Variants in MYO15B observed in about 807,000 individuals in gnomAD.
MYO15B encodes myosin XVB, also known as myosin XVB pseudogene.
MYO15B carries 207 observed loss-of-function variants against 119.3 expected under a neutral mutation model. That is an observed-to-expected ratio of 1.73 (90% CI 1.55 to 1.95). The LOEUF (loss-of-function observed/expected upper bound fraction) is 1.95. MYO15B is among the 30% of genes most tolerant of loss of function. The pLI is 0.00. For missense variants in MYO15B, 2,264 were observed against 1,203.1 expected (o/e 1.88, Z -13.04); for synonymous variants, 966 against 498.9 (o/e 1.94, Z -12.48).
Position 75,614,380 on chromosome 17 carries a change from C to A in MYO15B, c.5381+20C>A, listed in dbSNP as rs1422183903. 4 of 700,614 alleles carry A rather than the reference C, an allele frequency of 5.7e-6. No individual in the cohort carries two copies. The highest frequency in any genetic ancestry group is 2.0e-5 in the Admixed American group (1 of 49,936). The allele number at this position is 700,614 out of a possible 1,614,324, so 43.4% of individuals were successfully genotyped here. A position where few individuals can be genotyped will look rare whatever the true frequency, so the allele number is the denominator to read the frequency against. On this transcript the variant is annotated intron_variant, in intron 30 of 63. Transcript: ENST00000645453. ...TGGCTCGTAGGTGCCACCCAGCACCCCTCTCCCTGGCCTGCTCCTGCCGGG... is the reference window on the plus strand; with the variant it reads ...TGGCTCGTAGGTGCCACCCAGCACCACTCTCCCTGGCCTGCTCCTGCCGGG...
In MYO15B at chr17:75,616,203, C is replaced by T. The variant is rs182933972; in HGVS notation, c.6109+56C>T. The T allele has an allele frequency of 5.2e-3, 2,976 of 571,392 alleles. 17 individuals are homozygous for T. Among genetic ancestry groups the T allele is most frequent in the Admixed American group, 6.6e-3 (192 of 29,260 alleles). 35.4% of individuals were successfully genotyped at this position (571,392 alleles called of 1,614,324 possible). On this transcript the variant is annotated intron_variant, in intron 37 of 63. Transcript: ENST00000645453. ...AGAAACATGGCCAGTGCCCCTGGCC[C>T]GGGCCAGGGAGGGTGGGGTGTGCTC...
chr17:75,592,241 G>C, exon 7 of MYO15B: 1 of 702,842 alleles, frequency 1.4e-6, no homozygotes, highest in Non-Finnish European at 2.6e-6. Flanking sequence ...CCCACAGAGG[G>C]GTCATCGTGG....
In MYO15B at chr17:75,605,621, GGTGGGT is replaced by G. The variant is rs1045540703; in HGVS notation, c.4134+4_4134+9del. 1 of 703,028 alleles carries G rather than the reference GGTGGGT, an allele frequency of 1.4e-6. No homozygotes were observed. Among genetic ancestry groups the G allele is most frequent in the Admixed American group, 2.0e-5 (1 of 50,020 alleles). The allele number at this position is 703,028 out of a possible 1,614,324, so 43.5% of individuals were successfully genotyped here. On this transcript the variant is annotated splice_donor_variant and splice_donor_5th_base_variant and intron_variant, in intron 20 of 63. Coordinates refer to ENST00000645453, the Ensembl canonical transcript of MYO15B. LOFTEE classifies it high-confidence loss of function. Reference sequence around the variant, plus strand: ...CTCTCTATCACCTTGGAGCCACCAAGGTGGGTGTGTGTATCCCTGTGTGCAGAGGGC... The same window carrying G: ...CTCTCTATCACCTTGGAGCCACCAAGGTGTGTATCCCTGTGTGCAGAGGGC...
chr17:75,588,679 G>A, exon 1 of MYO15B: 1 of 399,922 alleles, frequency 2.5e-6, no homozygotes, highest in East Asian at 3.6e-5. Flanking sequence ...AAGCAGCGAC[G>A]GCCTGGACAG....
At chr17:75,625,643 C>A (rs960350661) in exon 61 of MYO15B, 17 of 702,924 alleles carry the variant, frequency 2.4e-5, no homozygotes, top group Admixed American at 6.0e-5. Context: ...CCCCAGGAAG[C>A]ACAGATCAGC....
At position 75,591,448 on chromosome 17, in the gene MYO15B, G is replaced by C; in HGVS notation, c.2436-153G>C. 3 of 617,990 alleles carry C rather than the reference G, an allele frequency of 4.9e-6. No individual in the cohort carries two copies. In the East Asian group the frequency reaches 8.2e-5, roughly 17 times the overall value. 38.3% of individuals were successfully genotyped at this position (617,990 alleles called of 1,614,324 possible). ...TCTTGGGGACTTTTTCTTTTCTGTC[G>C]GGTCTCTCCATGCCCTGGGACTATC... On this transcript the variant is annotated intron_variant, in intron 4 of 63. Transcript: ENST00000645453.
chr17:75,621,096 G>A (rs1158393568), exon 50 of MYO15B: 1 of 702,882 alleles, frequency 1.4e-6, no homozygotes, highest in East Asian at 2.7e-5. Flanking sequence ...TGTCCTCTGT[G>A]GCCTATGCCT....
At chr17:75,592,066 C>T in exon 6 of MYO15B, 1 of 702,876 alleles carries the variant, frequency 1.4e-6, no homozygotes, top group South Asian at 1.5e-5. Context: ...AGGTCTTCTG[C>T]CTCTACCTAC....
chr17:75,608,970 G>C (rs1352841372), intron 21 of MYO15B, among the ~76,000 whole-genome samples: 1 of 152,150 alleles, frequency 6.6e-6, no homozygotes, highest in Admixed American at 6.5e-5. Flanking sequence ...CTGACCTCGT[G>C]ATCTGCCCGC....
chr17:75,602,628 C>G, intron 16 of MYO15B, 34 bp downstream of exon 16: 1 of 640,208 alleles, frequency 1.6e-6, no homozygotes, highest in Non-Finnish European at 2.8e-6. Context: ...CCCACCCGCT[C>G]CATACTCTGT....
At chr17:75,597,811 G>T (rs1377941777) in intron 14 of MYO15B, among the ~76,000 whole-genome samples, 1 of 152,204 alleles carries the variant, frequency 6.6e-6, no homozygotes, top group Non-Finnish European at 1.5e-5. Flanking sequence ...AGCTACTTGG[G>T]AGGCTGAGGT....
chr17:75,614,624 CACTGCCCCCAG>C lies in MYO15B; in HGVS notation c.5424_5434del (p.Leu1809ThrfsTer189). On this transcript the variant is annotated frameshift_variant, in exon 31 of 64. Coordinates refer to ENST00000645453, the Ensembl canonical transcript of MYO15B. LOFTEE classifies it high-confidence loss of function. ...CTTGCCCCTGGCATTCAGGCCCCCT[CACTGCCCCCAG>C]GACCCCCTCCAGGTCCAGCCCCAAC... is the stretch of plus-strand genomic sequence containing the variant. The C allele has an allele frequency of 1.4e-6, 1 of 701,078 alleles. No individual in the cohort carries two copies. Among genetic ancestry groups the C allele is most frequent in the Non-Finnish European group, 2.6e-6 (1 of 384,472 alleles). The allele number at this position is 701,078 out of a possible 1,614,324, so 43.4% of individuals were successfully genotyped here.
chr17:75,610,067 C>T, intron 21 of MYO15B, 99 bp from the exon 22 acceptor site: 1 of 549,914 alleles, frequency 1.8e-6, no homozygotes. Context: ...GGTCCAAAGT[C>T]AGTTTTTACA....
intron 21 of MYO15B, among the ~76,000 whole-genome samples, chr17:75,607,875 C>T (rs1174151857): frequency 1.3e-5 from 2 of 152,198 alleles, no homozygotes; most frequent in African/African-American, 4.8e-5. Context: ...AATTGCTTTC[C>T]ATAGTGGCTG....
chr17:75,594,354 C>T, intron 9 of MYO15B, 121 bp from the exon 10 acceptor site: 1 of 549,954 alleles, frequency 1.8e-6, no homozygotes, highest in Admixed American at 3.5e-5. Flanking sequence ...CAGATCTCCT[C>T]ATGTGACATA....
rs1440909474 is a variant in MYO15B at position 75,615,335 on chromosome 17, CCAGGT to C, written c.5738_5740+2del. Reference sequence around the variant, plus strand: ...AGCAATGGGCACAGTCCCTGCCATGCCAGGTAAGTCTGGGCTGGGGGCACCAGAGT... The same window carrying C: ...AGCAATGGGCACAGTCCCTGCCATGCAAGTCTGGGCTGGGGGCACCAGAGT... On this transcript the variant is annotated splice_donor_variant and coding_sequence_variant, in exon 34 of 64. Transcript: ENST00000645453. LOFTEE classifies it high-confidence loss of function. 1 of 701,876 alleles carries C rather than the reference CCAGGT, an allele frequency of 1.4e-6. No homozygotes were observed. The highest frequency in any genetic ancestry group is 2.6e-6 in the Non-Finnish European group (1 of 384,460). The allele number at this position is 701,876 out of a possible 1,614,324, so 43.5% of individuals were successfully genotyped here. A position where few individuals can be genotyped will look rare whatever the true frequency, so the allele number is the denominator to read the frequency against.
chr17:75,598,259 T>A (rs1028847108), intron 14 of MYO15B, among the ~76,000 whole-genome samples: 3 of 111,956 alleles, frequency 2.7e-5, no homozygotes, highest in African/African-American at 9.6e-5. Flanking sequence ...AGAGCAAGAC[T>A]CCGTCTCAAA....
Position 75,611,016 on chromosome 17 carries a change from G to A in MYO15B, c.4446+57G>A. ...TGGGGCTATGAACCTGCTGAGACTG[G>A]GACAGCTTAGAGGGCTGCCAGGGTG... On this transcript the variant is annotated intron_variant, in intron 23 of 63. Transcript: ENST00000645453. The A allele has an allele frequency of 2.8e-6, 2 of 702,682 alleles. 1 individual carries two copies. Among genetic ancestry groups the A allele is most frequent in the South Asian group, 3.0e-5 (2 of 67,594 alleles). 43.5% of individuals were successfully genotyped at this position (702,682 alleles called of 1,614,324 possible).
chr17:75,606,226 A>ACTCATTACC (rs2057640877), intron 21 of MYO15B, among the ~76,000 whole-genome samples: 1 of 150,674 alleles, frequency 6.6e-6, no homozygotes. Flanking sequence ...GCCACAAGAA[A>ACTCATTACC]CTCATTACCT....
Sources: allele counts gnomAD v4.1 joint callset (sites outside exome capture counted in the v4.1 genomes callset), GRCh38; gene constraint gnomAD v4.1.1; transcripts MANE v1.5; gene names NCBI Gene and HGNC (gene_info 2026-07-23, HGNC 2026-07-21).